Variants in PDZRN4 observed in about 807,000 individuals in gnomAD.
PDZRN4 encodes the protein PDZ domain containing ring finger 4, also known as PDZ domain-containing RING finger protein 4.
A neutral mutation model predicts 99.0 loss-of-function variants in PDZRN4; 70 were observed. That is an observed-to-expected ratio of 0.71 (90% confidence interval 0.58 to 0.86). The LOEUF (loss-of-function observed/expected upper bound fraction) is 0.86. PDZRN4 is among the 40% of genes least tolerant of loss of function. The probability of loss-of-function intolerance (pLI) is 0.00; values close to 1 mark genes in which losing one functional copy is unlikely to be tolerated. For synonymous variants in PDZRN4, 551 were observed against 501.6 expected (o/e 1.10, Z -1.32); for missense variants, 1,474 against 1,331.2 (o/e 1.11, Z -1.67).
At chr12:41,210,096 A>G (rs1005909289) in intron 3 of PDZRN4, among the ~76,000 whole-genome samples, 1 of 152,114 alleles carries the variant, frequency 6.6e-6, no homozygotes, top group African/African-American at 2.4e-5. Context: ...TCTGATGGCC[A>G]GTGATGATGA....
intron 3 of PDZRN4, among the ~76,000 whole-genome samples, chr12:41,370,842 A>G (rs1177968824): frequency 6.6e-6 from 1 of 151,762 alleles, no homozygotes; most frequent in Non-Finnish European, 1.5e-5. Context: ...AAAAAATTTC[A>G]TTGACTGTTT....
At chr12:41,383,825 A>T (rs1952143648) in intron 3 of PDZRN4, among the ~76,000 whole-genome samples, 1 of 152,132 alleles carries the variant, frequency 6.6e-6, no homozygotes, top group Non-Finnish European at 1.5e-5. Context: ...AGTATTGAGG[A>T]TATATGGGAA....
intron 5 of PDZRN4, among the ~76,000 whole-genome samples, chr12:41,546,361 A>G (rs747668260): frequency 1.3e-5 from 2 of 152,172 alleles, no homozygotes; most frequent in Non-Finnish European, 1.5e-5. Flanking sequence ...GGATTAGATT[A>G]TTGTTTAACA....
chr12:41,193,575 G>C (rs1950750910), intron 2 of PDZRN4, among the ~76,000 whole-genome samples: 1 of 152,150 alleles, frequency 6.6e-6, no homozygotes, highest in South Asian at 2.1e-4. Flanking sequence ...TTTTACACTT[G>C]AGTAAGCTAC....
At chr12:41,299,740 T>A (rs1951521430) in intron 3 of PDZRN4, among the ~76,000 whole-genome samples, 1 of 152,058 alleles carries the variant, frequency 6.6e-6, no homozygotes, top group Non-Finnish European at 1.5e-5. Flanking sequence ...CAAAGCATAT[T>A]TCACTGTGTA....
intron 3 of PDZRN4, among the ~76,000 whole-genome samples, chr12:41,399,772 T>C (rs937787332): frequency 2.0e-5 from 3 of 152,062 alleles, no homozygotes; most frequent in Middle Eastern, 6.3e-3. Context: ...TATAGCGGTA[T>C]GTTAATATTG....
intron 5 of PDZRN4, among the ~76,000 whole-genome samples, chr12:41,535,261 G>A (rs935353492): frequency 2.0e-5 from 3 of 152,100 alleles, no homozygotes; most frequent in African/African-American, 7.2e-5. Flanking sequence ...TGTATTTTGT[G>A]AAATTTGACT....
intron 2 of PDZRN4, among the ~76,000 whole-genome samples, chr12:41,192,550 T>C (rs960183861): frequency 3.3e-5 from 5 of 152,244 alleles, no homozygotes; most frequent in African/African-American, 1.2e-4. Context: ...CACAATACCA[T>C]GTGTAGGCAA....
intron 3 of PDZRN4, among the ~76,000 whole-genome samples, chr12:41,212,949 T>C (rs1950897561): frequency 1.3e-5 from 2 of 151,992 alleles, no homozygotes; most frequent in Non-Finnish European, 2.9e-5. Flanking sequence ...AGAACGGCTC[T>C]CAGCAAGGAT....
chr12:41,532,912 G>C (rs1215958613), intron 5 of PDZRN4, among the ~76,000 whole-genome samples: 2 of 152,036 alleles, frequency 1.3e-5, no homozygotes, highest in Admixed American at 6.6e-5. Context: ...ATTAATTCAT[G>C]CTTGAAAAAT....
intron 3 of PDZRN4, among the ~76,000 whole-genome samples, chr12:41,427,917 G>A (rs1952551010): frequency 6.6e-6 from 1 of 152,050 alleles, no homozygotes; most frequent in Non-Finnish European, 1.5e-5. Flanking sequence ...GTGAAACCCT[G>A]TCTCTACTAA....
At chr12:41,475,533 G>C (rs1267808586) in intron 3 of PDZRN4, among the ~76,000 whole-genome samples, 1 of 152,150 alleles carries the variant, frequency 6.6e-6, no homozygotes, top group Non-Finnish European at 1.5e-5. Flanking sequence ...ATTCTTTGCA[G>C]CTTTAAATGG....
In PDZRN4 at chr12:41,428,489, A is replaced by G. The variant is rs370330032; in HGVS notation, c.844-77967A>G. The stretch of plus-strand genomic sequence containing the variant: ...AGGAATGAACATGTATTGCAGTACC[A>G]GATAGAACTGTCCACACTCTAAAAA... On this transcript the variant is annotated intron_variant, in intron 3 of 9. Coordinates refer to ENST00000402685, the MANE Select transcript of PDZRN4 (RefSeq NM_001164595.2). 9.8e-5 allele frequency among the ~76,000 whole-genome samples: 15 copies of G among 152,326 alleles called. No individual in the cohort carries two copies. In the East Asian group the frequency reaches 1.7e-3, roughly 18 times the overall value.
chr12:41,547,235 T>C (rs1938969745), intron 5 of PDZRN4, among the ~76,000 whole-genome samples: 1 of 152,256 alleles, frequency 6.6e-6, no homozygotes, highest in African/African-American at 2.4e-5. Context: ...TTCTTTGTTT[T>C]AGACAGATTG....
intron 3 of PDZRN4, among the ~76,000 whole-genome samples, chr12:41,408,830 TCTCTCGCA>T (rs1450523516): frequency 6.6e-6 from 1 of 151,998 alleles, no homozygotes; most frequent in African/African-American, 2.4e-5. Context: ...TCTCTCTCAC[TCTCTCGCA>T]CTCTCTTGCT....
rs1031777800 is a variant in PDZRN4 at position 41,373,973 on chromosome 12, C to T, written c.844-132483C>T. Among the ~76,000 whole-genome samples the T allele has an allele frequency of 2.0e-5, 3 of 152,198 alleles. No homozygotes were observed. In the South Asian group the frequency reaches 6.2e-4, roughly 32 times the overall value. On this transcript the variant is annotated intron_variant, in intron 3 of 9. Coordinates refer to ENST00000402685, the MANE Select transcript of PDZRN4 (RefSeq NM_001164595.2). ...TCCGTTCGGGGTCCCTGACTTCCCA[C>T]AACACACAGGTTCTTGGGCTCCCAT...
At position 41,402,246 on chromosome 12, in the gene PDZRN4, T is replaced by C. The variant is rs11180889; in HGVS notation, c.844-104210T>C. ...CACACACTGAGTATACATATATATA[T>C]ACACACACTGAGTATATATATATAT... is the stretch of plus-strand genomic sequence containing the variant. On this transcript the variant is annotated intron_variant, in intron 3 of 9. Transcript: ENST00000402685. Among the ~76,000 whole-genome samples, 8 of 48,596 alleles carry C rather than the reference T, an allele frequency of 1.6e-4. 1 individual carries two copies. Among genetic ancestry groups the C allele is most frequent in the Non-Finnish European group, 2.1e-4 (6 of 28,532 alleles). 31.9% of individuals were successfully genotyped at this position (48,596 alleles called of 152,430 possible). A position where few individuals can be genotyped will look rare whatever the true frequency, so the allele number is the denominator to read the frequency against.
chr12:41,496,763 C>T (rs1047732277), intron 3 of PDZRN4, among the ~76,000 whole-genome samples: 1 of 152,074 alleles, frequency 6.6e-6, no homozygotes, highest in African/African-American at 2.4e-5. Flanking sequence ...AAACATGGTT[C>T]TTGATAAAGA....
chr12:41,432,269 C>G (rs1850220486), intron 3 of PDZRN4, among the ~76,000 whole-genome samples: 1 of 152,204 alleles, frequency 6.6e-6, no homozygotes, highest in Non-Finnish European at 1.5e-5. Flanking sequence ...GTTTTTCTTT[C>G]ATAGACTTTC....
Sources: allele counts gnomAD v4.1 joint callset (sites outside exome capture counted in the v4.1 genomes callset), GRCh38; gene constraint gnomAD v4.1.1; transcripts MANE v1.5; gene names NCBI Gene and HGNC (gene_info 2026-07-23, HGNC 2026-07-21).